Variants in ADAM12 observed in about 807,000 individuals in gnomAD.
ADAM12 encodes disintegrin and metalloproteinase domain-containing protein 12.
A neutral mutation model predicts 106.4 loss-of-function variants in ADAM12; 70 were observed. That is an observed-to-expected ratio of 0.66 (90% confidence interval 0.54 to 0.80). ADAM12 has a LOEUF of 0.80. ADAM12 is among the 30% of genes least tolerant of loss of function. The pLI is 0.00. For missense variants in ADAM12, 1,010 were observed against 1,171.9 expected (o/e 0.86, Z 2.02); for synonymous variants, 420 against 433.5 (o/e 0.97, Z 0.39).
chr10:126,149,143 A>G (rs1186833330), intron 4 of ADAM12, among the ~76,000 whole-genome samples: 1 of 152,232 alleles, frequency 6.6e-6, no homozygotes, highest in Non-Finnish European at 1.5e-5. Context: ...CAGTAACCAC[A>G]TGGAAAAGGA....
rs367878684 is a variant in ADAM12 at position 126,208,967 on chromosome 10, C to G, written c.261-53662G>C. 1.3e-3 allele frequency among the ~76,000 whole-genome samples: 190 copies of G among 151,128 alleles called. 4 individuals carry two copies. In the South Asian group the frequency reaches 0.038, roughly 30 times the overall value. On this transcript the variant is annotated intron_variant, in intron 3 of 22. Transcript: ENST00000448723. Reference sequence around the variant, plus strand: ...GCCAACTTCTTATCGTAAGAATGTTCTCTGAGAATTGTCAAATGACAAGAC... The same window carrying G: ...GCCAACTTCTTATCGTAAGAATGTTGTCTGAGAATTGTCAAATGACAAGAC...
chr10:126,129,141 A>C (rs1420231840), intron 5 of ADAM12, among the ~76,000 whole-genome samples: 1 of 152,266 alleles, frequency 6.6e-6, no homozygotes, highest in Non-Finnish European at 1.5e-5. Flanking sequence ...GAAGAAATTC[A>C]GCTTCAGTCG....
chr10:126,148,418 G>A (rs905926779), intron 4 of ADAM12, among the ~76,000 whole-genome samples: 5 of 152,250 alleles, frequency 3.3e-5, no homozygotes, highest in African/African-American at 9.6e-5. Flanking sequence ...GAAAAACAAT[G>A]CAAAGCCTCG....
intron 3 of ADAM12, among the ~76,000 whole-genome samples, chr10:126,191,536 G>A (rs574634441): frequency 8.6e-5 from 13 of 151,864 alleles, no homozygotes; most frequent in African/African-American, 2.9e-4. Flanking sequence ...GAAGGAGATG[G>A]ATCAGAGGGG....
intron 3 of ADAM12, among the ~76,000 whole-genome samples, chr10:126,206,434 G>A (rs6597744): frequency 0.8 from 122,353 of 152,080 alleles, 49,350 homozygotes; most frequent in Middle Eastern, 0.89. Flanking sequence ...GCGTCAAAGT[G>A]AAAGAGGTGA....
At chr10:126,072,454 C>T (rs117530087) in intron 11 of ADAM12, among the ~76,000 whole-genome samples, 1,811 of 152,180 alleles carry the variant, frequency 0.012, 17 homozygotes, top group Non-Finnish European at 0.019. Context: ...GGTATTTAAG[C>T]GAGTATTCCT....
intron 1 of ADAM12, among the ~76,000 whole-genome samples, chr10:126,382,029 G>C (rs150951171): frequency 1.5e-4 from 23 of 152,062 alleles, no homozygotes; most frequent in African/African-American, 5.5e-4. Flanking sequence ...AGCTTTGGAA[G>C]ATGGAAAGGG....
At chr10:126,302,545 G>A (rs1960669888) in intron 2 of ADAM12, among the ~76,000 whole-genome samples, 1 of 152,160 alleles carries the variant, frequency 6.6e-6, no homozygotes, top group Non-Finnish European at 1.5e-5. Flanking sequence ...GGACACTTAG[G>A]ATAATGAGCA....
chr10:126,161,608 C>T (rs1956936352), intron 3 of ADAM12, among the ~76,000 whole-genome samples: 1 of 152,228 alleles, frequency 6.6e-6, no homozygotes, highest in Admixed American at 6.5e-5. Context: ...GGGCTTTCTG[C>T]TCCTTCCTGG....
At chr10:126,172,776 T>C (rs1215460824) in intron 3 of ADAM12, among the ~76,000 whole-genome samples, 1 of 152,216 alleles carries the variant, frequency 6.6e-6, no homozygotes, top group Non-Finnish European at 1.5e-5. Context: ...CAAAGGATTA[T>C]AAATCATTCT....
chr10:126,295,447 C>T lies in ADAM12; in HGVS notation c.187-16459G>A, dbSNP rs146883184. On this transcript the variant is annotated intron_variant, in intron 2 of 22. Transcript: ENST00000448723. The stretch of plus-strand genomic sequence containing the variant: ...CTCCTTTTGTCTAAGAATATATTTC[C>T]GTTGCCCTGCAATCCAGGAAAACAC... Among the ~76,000 whole-genome samples the T allele has an allele frequency of 8.5e-5, 13 of 152,198 alleles. No homozygotes were observed. In the East Asian group the frequency reaches 1.5e-3, roughly 18 times the overall value.
intron 18 of ADAM12, among the ~76,000 whole-genome samples, 170 bp downstream of exon 18, chr10:126,042,870 G>C (rs1443412523): frequency 6.6e-6 from 1 of 152,176 alleles, no homozygotes; most frequent in Non-Finnish European, 1.5e-5. Context: ...GATCGGGCAG[G>C]GATGAGAGGG....
chr10:126,351,571 C>T (rs1031852077), intron 1 of ADAM12, among the ~76,000 whole-genome samples: 2 of 152,210 alleles, frequency 1.3e-5, no homozygotes, highest in African/African-American at 2.4e-5. Flanking sequence ...TTCCTCTCCT[C>T]GGATCCCCCA....
intron 21 of ADAM12, among the ~76,000 whole-genome samples, chr10:126,020,460 GA>G (rs1351495164): frequency 1.2e-4 from 18 of 152,168 alleles, no homozygotes; most frequent in African/African-American, 4.3e-4. Context: ...AAGCCAGTGT[GA>G]GGGAGCTGGC....
At chr10:126,123,459 C>T (rs1165963787) in intron 5 of ADAM12, among the ~76,000 whole-genome samples, 5 of 152,192 alleles carry the variant, frequency 3.3e-5, no homozygotes, top group Non-Finnish European at 5.9e-5. Context: ...CCGTGGGTCC[C>T]TTCTCTAGAG....
chr10:126,141,362 C>A (rs1251180586), intron 4 of ADAM12, among the ~76,000 whole-genome samples: 2 of 152,224 alleles, frequency 1.3e-5, no homozygotes, highest in South Asian at 2.1e-4. Context: ...CTAGGCCAGG[C>A]CGTCTTTGCC....
chr10:126,098,678 C>T (rs1320300552), intron 9 of ADAM12, among the ~76,000 whole-genome samples, 178 bp from the exon 10 acceptor site: 3 of 152,066 alleles, frequency 2.0e-5, no homozygotes, highest in Admixed American at 6.6e-5. Flanking sequence ...TCTGCAGTTG[C>T]GTCATGGTTC....
chr10:126,268,706 C>G (rs746971088), intron 3 of ADAM12, among the ~76,000 whole-genome samples: 1 of 152,186 alleles, frequency 6.6e-6, no homozygotes, highest in Non-Finnish European at 1.5e-5. Context: ...CAATCACAGA[C>G]AGGGCTCAAC....
intron 3 of ADAM12, among the ~76,000 whole-genome samples, chr10:126,188,721 CA>C (rs1476548522): frequency 1.3e-5 from 2 of 152,068 alleles, no homozygotes; most frequent in African/African-American, 4.8e-5. Flanking sequence ...ATCTTTTTTT[CA>C]ATTGCATTTT....
Sources: gnomAD v4.1 joint callset for allele counts (sites outside exome capture counted in the v4.1 genomes callset) on GRCh38, gnomAD v4.1.1 for gene constraint, MANE v1.5 for transcripts, NCBI Gene and HGNC (gene_info 2026-07-23, HGNC 2026-07-21) for gene names.